The following THOC2 variants were observed in gnomAD, a reference collection of about 807,000 sequenced individuals.
THOC2 encodes the protein THO complex subunit 2.
A neutral mutation model predicts 128.4 loss-of-function variants in THOC2; 10 were observed. That is an observed-to-expected ratio of 0.08 (90% CI 0.05 to 0.13). The LOEUF (loss-of-function observed/expected upper bound fraction) is 0.13. Ranked by LOEUF, THOC2 falls within the 10% of genes least tolerant of loss-of-function variation. THOC2 has a pLI of 1.00. For missense variants in THOC2, 535 were observed against 1,155.7 expected, an observed-to-expected ratio of 0.46 and a Z score of 7.79; for synonymous variants, 393 against 396.9, an observed-to-expected ratio of 0.99 and a Z score of 0.12.
At chrX:123,637,375 T>C (rs1184311557) in intron 18 of THOC2, among the ~76,000 whole-genome samples, 3 of 111,750 alleles carry the variant, frequency 2.7e-5, no homozygotes, top group African/African-American at 6.5e-5. Context: ...CAAGTTTTTG[T>C]TCTTTTAAGA....
Position 123,633,023 on chromosome X carries a change from C to T in THOC2, c.2154G>A (p.Gln718=), listed in dbSNP as rs2047543897. 8.3e-7 allele frequency: 1 copy of T among 1,206,663 alleles called. No individual in the cohort carries two copies. Among genetic ancestry groups the T allele is most frequent in the Admixed American group, 2.2e-5 (1 of 45,617 alleles). Residue 718 remains glutamine, a synonymous_variant, in exon 21 of 39, where the codon CAG becomes CAA. Coordinates refer to ENST00000245838, the MANE Select transcript of THOC2 (RefSeq NM_001081550.2). ...GAGAGGATTTTTTAGTGTTTCTGATCTGACCAAAATAACCACCCTGCACAA... is the reference window on the plus strand; with the variant it reads ...GAGAGGATTTTTTAGTGTTTCTGATTTGACCAAAATAACCACCCTGCACAA... The part of the protein sequence containing the change: ...QLKAEGGYFG[Q]IRNTKKSSQR...
intron 19 of THOC2, 147 bp from the exon 20 acceptor site, chrX:123,634,217 T>C (rs1569349648): frequency 1.4e-5 from 5 of 358,948 alleles, no homozygotes; most frequent in Admixed American, 5.2e-5. Flanking sequence ...ACTGCATTCC[T>C]AGAACTATAT....
chrX:123,693,094 A>G (rs1189691340), intron 7 of THOC2, among the ~76,000 whole-genome samples: 2 of 112,334 alleles, frequency 1.8e-5, no homozygotes, highest in African/African-American at 6.5e-5. Context: ...AGGGACTCCA[A>G]TAAATGCTAA....
chrX:123,704,094 G>T (rs1056238489), intron 3 of THOC2, among the ~76,000 whole-genome samples: 2 of 110,818 alleles, frequency 1.8e-5, no homozygotes, highest in African/African-American at 6.6e-5. Flanking sequence ...ACCTAAACAA[G>T]CACTTTAGGA....
intron 1 of THOC2, among the ~76,000 whole-genome samples, chrX:123,717,277 A>G (rs190364491): frequency 1.2e-3 from 139 of 111,872 alleles, no homozygotes; most frequent in Non-Finnish European, 2.2e-3. Flanking sequence ...TAAATAGGGT[A>G]AAATCACAGG....
chrX:123,606,549 G>A (rs749952291), intron 38 of THOC2, among the ~76,000 whole-genome samples: 3 of 111,399 alleles, frequency 2.7e-5, no homozygotes, highest in South Asian at 3.8e-4. Context: ...AGCCAAGATC[G>A]CACCACTGCA....
chrX:123,612,516 G>C (rs2046736802), intron 36 of THOC2, among the ~76,000 whole-genome samples: 1 of 111,067 alleles, frequency 9.0e-6, no homozygotes, highest in South Asian at 3.8e-4. Flanking sequence ...TGGTTCCCAG[G>C]GGCTGAGAAG....
chrX:123,631,882 A>G lies in THOC2; in HGVS notation c.2317-30T>C, dbSNP rs1191032006. 3 of 1,146,790 alleles carry G rather than the reference A, an allele frequency of 2.6e-6. No homozygotes were observed. The South Asian group carries it at 5.9e-5, about 23-fold the overall frequency. 94.5% of individuals were successfully genotyped at this position (1,146,790 alleles called of 1,213,427 possible). The stretch of plus-strand genomic sequence containing the variant: ...ATTTAAAAAATAAGACAAAATCAAC[A>G]TATTTTCCAAAGTGATTAAGAAGTC... On this transcript the variant is annotated intron_variant, in intron 21 of 38. Transcript: ENST00000245838.
intron 8 of THOC2, among the ~76,000 whole-genome samples, chrX:123,681,827 A>G (rs2049795135): frequency 3.6e-5 from 4 of 112,279 alleles, no homozygotes; most frequent in African/African-American, 1.3e-4. Context: ...TATGAAATTG[A>G]TCCTGGAGGA....
intron 22 of THOC2, among the ~76,000 whole-genome samples, chrX:123,629,206 A>AACACACACACACACACAC (rs754562050): frequency 4.9e-5 from 4 of 81,959 alleles, no homozygotes; most frequent in East Asian, 8.5e-4. Flanking sequence ...ATTATACATG[A>AACACACACACACACACAC]ACACACACAC....
intron 3 of THOC2, among the ~76,000 whole-genome samples, chrX:123,703,890 TAAAAAAAA>T (rs774877149): frequency 1.4e-4 from 5 of 37,007 alleles, no homozygotes; most frequent in African/African-American, 6.1e-4. Context: ...ACTCTGTCTT[TAAAAAAAA>T]AAAAAAAAAA....
intron 12 of THOC2, among the ~76,000 whole-genome samples, chrX:123,650,506 T>C (rs901315591): frequency 3.6e-5 from 4 of 111,626 alleles, no homozygotes; most frequent in Non-Finnish European, 7.5e-5. Flanking sequence ...TTAAAAGACA[T>C]AGACTAGGAA....
rs1400203996 is a variant in THOC2, at chrX:123,640,583, T to G, written c.1701A>C (p.Gln567His). 5.0e-6 allele frequency: 6 copies of G among 1,192,553 alleles called. No individual in the cohort carries two copies. Among genetic ancestry groups the G allele is most frequent in the Non-Finnish European group, 4.5e-6 (4 of 885,763 alleles). The change falls in exon 16 of 39, where the codon CAA (glutamine) becomes CAC (histidine). Residue 567 changes from glutamine to histidine, a missense_variant. Gln to His is a conservative substitution (Grantham distance 24). Around this residue, in one of 9 missense-constraint regions of THOC2, gnomAD observed 197 missense variants for 313.4 expected, o/e 0.63. Coordinates refer to ENST00000245838, the MANE Select transcript of THOC2 (RefSeq NM_001081550.2). Reference sequence around the variant, plus strand: ...GATTGCTGTGGCTCAACTTCCCAATTTGTCTTCCAGAAGGCTTCACATTTT... The same window carrying G: ...GATTGCTGTGGCTCAACTTCCCAATGTGTCTTCCAGAAGGCTTCACATTTT... ...TKENVKPSGRQIGKLSHSNPT... is the reference protein window; with the variant it reads ...TKENVKPSGRHIGKLSHSNPT...
chrX:123,621,007 T>C, intron 31 of THOC2, 42 bp from the exon 32 acceptor site: 1 of 1,197,365 alleles, frequency 8.4e-7, no homozygotes, highest in Non-Finnish European at 1.1e-6. Flanking sequence ...GGTACATTTC[T>C]AGTTTTCCAA....
Position 123,698,977 on chromosome X carries a change from G to C in THOC2, c.275-1226C>G, listed in dbSNP as rs921174841. 3.6e-5 allele frequency among the ~76,000 whole-genome samples: 4 copies of C among 110,839 alleles called. No individual in the cohort carries two copies. In the East Asian group the frequency reaches 8.4e-4, roughly 23 times the overall value. ...TCCTACTGAAATATTTAAAAACTGA[G>C]AGTTTCAGTAAATTATTCAGAAAAT... On this transcript the variant is annotated intron_variant, in intron 4 of 38. Coordinates refer to ENST00000245838, the MANE Select transcript of THOC2 (RefSeq NM_001081550.2).
At chrX:123,637,931 G>A in intron 18 of THOC2, 112 bp downstream of exon 18, 1 of 520,253 alleles carries the variant, frequency 1.9e-6, no homozygotes, top group South Asian at 3.9e-5. Flanking sequence ...GATATTCTCA[G>A]CAACTCTTAA....
intron 1 of THOC2, among the ~76,000 whole-genome samples, chrX:123,716,007 A>T (rs2051400481): frequency 9.0e-6 from 1 of 111,364 alleles, no homozygotes; most frequent in Non-Finnish European, 1.9e-5. Flanking sequence ...AGCCAGACAA[A>T]AACATTACAA....
chrX:123,617,210 A>G (rs1357755953), intron 33 of THOC2, among the ~76,000 whole-genome samples: 2 of 111,270 alleles, frequency 1.8e-5, no homozygotes, highest in Non-Finnish European at 3.8e-5. Flanking sequence ...CAAAGGCTTA[A>G]GAGATCACTT....
rs762473736 is a variant in THOC2, at chrX:123,625,345, G to A, written c.3057+567C>T. ...GATCTCCTGACCTTGTGATCCACCC[G>A]CCTCGGCCTCCCGAAGTACTGGGAT... On this transcript the variant is annotated intron_variant, in intron 25 of 38. Coordinates refer to ENST00000245838, the MANE Select transcript of THOC2 (RefSeq NM_001081550.2). Among the ~76,000 whole-genome samples, 10 of 111,059 alleles carry A rather than the reference G, an allele frequency of 9.0e-5. No homozygotes were observed. The South Asian group carries it at 1.9e-3, about 21-fold the overall frequency.
Sources: allele counts gnomAD v4.1 joint callset (sites outside exome capture counted in the v4.1 genomes callset), GRCh38; gene constraint gnomAD v4.1.1; regional missense constraint gnomAD v4.1.1; transcripts MANE v1.5; gene names NCBI Gene and HGNC (gene_info 2026-07-23, HGNC 2026-07-21).